PTK2: variants seen among roughly 807,000 people sequenced by gnomAD.
The protein encoded by PTK2 is protein tyrosine kinase 2.
In PTK2, 45 loss-of-function variants were observed where a neutral mutation model predicts 150.1. The ratio of observed to expected loss-of-function variants is 0.30; its 90% CI spans 0.24 to 0.38. PTK2 has a LOEUF of 0.38. Ranked by LOEUF, PTK2 falls within the 10% of genes least tolerant of loss-of-function variation. PTK2 has a pLI of 1.00. For synonymous variants in PTK2, 432 were observed against 449.2 expected (o/e 0.96, Z 0.48); for missense variants, 919 against 1,307.3 (o/e 0.70, Z 4.58).
At chr8:140,998,799 A>T (rs1462885805) in intron 1 of PTK2, among the ~76,000 whole-genome samples, 1 of 149,926 alleles carries the variant, frequency 6.7e-6, no homozygotes, top group Non-Finnish European at 1.5e-5. Flanking sequence ...AGCCTGGGCC[A>T]CAGGGTGAGA....
intron 7 of PTK2, among the ~76,000 whole-genome samples, chr8:140,844,950 C>T (rs1249596915): frequency 2.6e-5 from 4 of 152,130 alleles, no homozygotes; most frequent in African/African-American, 9.7e-5. Context: ...TCCATAGTGG[C>T]CCACGACAGA....
At chr8:140,672,015 A>T (rs2095579953) in intron 29 of PTK2, 1 of 356,996 alleles carries the variant, frequency 2.8e-6, no homozygotes, top group Admixed American at 3.8e-5. Flanking sequence ...TTCATACCCT[A>T]TCCTAATTGT....
At chr8:140,701,716 C>T (rs1250473345) in intron 25 of PTK2, among the ~76,000 whole-genome samples, 1 of 152,156 alleles carries the variant, frequency 6.6e-6, no homozygotes, top group Non-Finnish European at 1.5e-5. Flanking sequence ...AGGGCTTTGC[C>T]TTTCAAATAA....
chr8:140,966,703 A>G (rs1258550112), intron 1 of PTK2, among the ~76,000 whole-genome samples: 1 of 152,236 alleles, frequency 6.6e-6, no homozygotes, highest in Non-Finnish European at 1.5e-5. Flanking sequence ...GGCTTATTAT[A>G]CAATGATATA....
intron 2 of PTK2, among the ~76,000 whole-genome samples, chr8:140,893,881 G>C (rs886999717): frequency 6.6e-6 from 1 of 152,062 alleles, no homozygotes. Flanking sequence ...AAGGATGTGG[G>C]GAAACAGAAC....
At chr8:140,929,570 A>T (rs929791451) in intron 1 of PTK2, among the ~76,000 whole-genome samples, 3 of 152,174 alleles carry the variant, frequency 2.0e-5, no homozygotes, top group Non-Finnish European at 2.9e-5. Context: ...AAGAAAACTG[A>T]GGCTCACATA....
intron 8 of PTK2, chr8:140,821,394 G>A (rs1218141122): frequency 1.6e-4 from 25 of 152,192 alleles, no homozygotes; most frequent in Admixed American, 1.6e-3. Context: ...GGGCACTTTT[G>A]GGACATTTGG....
At chr8:140,990,941 C>A (rs868464693) in intron 1 of PTK2, among the ~76,000 whole-genome samples, 1 of 152,086 alleles carries the variant, frequency 6.6e-6, no homozygotes, top group African/African-American at 2.4e-5. Flanking sequence ...TATTTACTGA[C>A]CACCTATAAT....
At chr8:140,966,841 C>T (rs1177102428) in intron 1 of PTK2, among the ~76,000 whole-genome samples, 1 of 152,308 alleles carries the variant, frequency 6.6e-6, no homozygotes, top group African/African-American at 2.4e-5. Context: ...ACCCTTTTCC[C>T]TTTTAACCTA....
chr8:140,973,774 T>C (rs1045734021), intron 1 of PTK2, among the ~76,000 whole-genome samples: 7 of 152,182 alleles, frequency 4.6e-5, no homozygotes, highest in Non-Finnish European at 8.8e-5. Context: ...CTAGGCAAAG[T>C]AGATTCAAAG....
At chr8:140,845,210 G>T (rs2100124652) in intron 7 of PTK2, among the ~76,000 whole-genome samples, 1 of 151,874 alleles carries the variant, frequency 6.6e-6, no homozygotes, top group Non-Finnish European at 1.5e-5. Context: ...TCATATAATT[G>T]TCCTGCTTGA....
At chr8:140,968,016 C>T (rs1388286585) in intron 1 of PTK2, among the ~76,000 whole-genome samples, 1 of 152,168 alleles carries the variant, frequency 6.6e-6, no homozygotes, top group Non-Finnish European at 1.5e-5. Flanking sequence ...CTTCTTTATG[C>T]TTCAAAATAA....
At position 140,723,693 on chromosome 8, in the gene PTK2, C is replaced by A. The variant is rs528248005; in HGVS notation, c.2031-5984G>T. Among the ~76,000 whole-genome samples the A allele has an allele frequency of 3.3e-5, 5 of 152,278 alleles. No homozygotes were observed. The East Asian group carries it at 9.6e-4, about 29-fold the overall frequency. ...ACAAATGAGCCCTCATGTTTTTTCC[C>A]AGAATGGTGGTTTCCAAGTCTCAAA... is the stretch of plus-strand genomic sequence containing the variant. On this transcript the variant is annotated intron_variant, in intron 22 of 31. Coordinates refer to ENST00000522684, the Ensembl canonical transcript of PTK2.
At chr8:140,811,105 T>A (rs1036021132) in intron 10 of PTK2, among the ~76,000 whole-genome samples, 3 of 152,184 alleles carry the variant, frequency 2.0e-5, no homozygotes, top group African/African-American at 7.2e-5. Flanking sequence ...CAAGGGCGGA[T>A]CCTATGCCAC....
chr8:140,891,409 G>A (rs1415374538), intron 2 of PTK2, among the ~76,000 whole-genome samples: 1 of 152,082 alleles, frequency 6.6e-6, no homozygotes, highest in Non-Finnish European at 1.5e-5. Context: ...AACACCCATC[G>A]AGAAACATGA....
At chr8:140,808,936 T>C (rs1031194513) in intron 10 of PTK2, among the ~76,000 whole-genome samples, 1 of 152,106 alleles carries the variant, frequency 6.6e-6, no homozygotes, top group African/African-American at 2.4e-5. Flanking sequence ...TTTTGCCATG[T>C]TGGCCAGGCT....
At chr8:140,661,182 A>C (rs1344490417) in intron 31 of PTK2, among the ~76,000 whole-genome samples, 1 of 152,200 alleles carries the variant, frequency 6.6e-6, no homozygotes, top group East Asian at 1.9e-4. Flanking sequence ...AGGACTTGGC[A>C]AGAGGGATAA....
At chr8:140,686,423 T>G (rs1216970565) in intron 27 of PTK2, among the ~76,000 whole-genome samples, 2 of 152,160 alleles carry the variant, frequency 1.3e-5, no homozygotes, top group Admixed American at 6.5e-5. Flanking sequence ...AAAAAAGCCT[T>G]TATCAATAAT....
chr8:140,717,815 G>A, intron 22 of PTK2, 106 bp from the exon 26 acceptor site: 1 of 835,182 alleles, frequency 1.2e-6, no homozygotes, highest in Non-Finnish European at 2.1e-6. Context: ...AACAGTAGAT[G>A]ATAACAATAA....
Sources: allele counts gnomAD v4.1 joint callset (sites outside exome capture counted in the v4.1 genomes callset), GRCh38; gene constraint gnomAD v4.1.1; transcripts MANE v1.5; gene names NCBI Gene and HGNC (gene_info 2026-07-23, HGNC 2026-07-21).